NFASC: variants seen among roughly 807,000 people sequenced by gnomAD.
NFASC encodes neurofascin homolog.
In NFASC, 43 loss-of-function variants were observed where a neutral mutation model predicts 147.5. The observed-to-expected ratio is 0.29, with a 90% CI of 0.23 to 0.38. The LOEUF (loss-of-function observed/expected upper bound fraction) is 0.38, where lower values mean the gene tolerates loss of function less well. Ranked by LOEUF, NFASC falls within the 10% of genes least tolerant of loss-of-function variation. NFASC has a pLI of 1.00. For missense variants in NFASC, 1,320 were observed against 1,689.0 expected, an observed-to-expected ratio of 0.78 and a Z score of 3.83; for synonymous variants, 622 against 665.5, an observed-to-expected ratio of 0.93 and a Z score of 1.01.
intron 8 of NFASC, among the ~76,000 whole-genome samples, chr1:204,965,620 T>G (rs1042471551): frequency 6.6e-6 from 1 of 151,996 alleles, no homozygotes; most frequent in South Asian, 2.1e-4. Context: ...TGAGGAGAGG[T>G]GGGATCTTAG....
At chr1:204,911,964 G>A (rs1034443111) in intron 1 of NFASC, among the ~76,000 whole-genome samples, 7 of 152,116 alleles carry the variant, frequency 4.6e-5, no homozygotes, top group Admixed American at 2.0e-4. Flanking sequence ...GTCTGCAGGG[G>A]CTACAGTGGC....
intron 1 of NFASC, among the ~76,000 whole-genome samples, chr1:204,911,614 A>C (rs1239179779): frequency 6.6e-6 from 1 of 151,978 alleles, no homozygotes; most frequent in Admixed American, 6.6e-5. Flanking sequence ...TGCACTATCT[A>C]TGTCTGGTTT....
At chr1:204,939,541 T>C (rs1345097790) in intron 2 of NFASC, among the ~76,000 whole-genome samples, 1 of 152,198 alleles carries the variant, frequency 6.6e-6, no homozygotes, top group South Asian at 2.1e-4. Context: ...TCCTCTACTT[T>C]CCCTCCTAGG....
chr1:204,905,021 C>A (rs2085494093), intron 1 of NFASC, among the ~76,000 whole-genome samples: 1 of 152,222 alleles, frequency 6.6e-6, no homozygotes, highest in East Asian at 1.9e-4. Flanking sequence ...ACCAGTACCA[C>A]CAATCTATCC....
At position 204,970,740 on chromosome 1, in the gene NFASC, T is replaced by A; in HGVS notation, c.1128T>A (p.Pro376=). 1 of 1,614,192 alleles carries A rather than the reference T, an allele frequency of 6.2e-7. No homozygotes were observed. The highest frequency in any genetic ancestry group is 8.5e-7 in the Non-Finnish European group (1 of 1,180,024). ...PTVQWMVNGE[P]LQSAPPNPNR... is the part of the protein sequence containing the mutation. ...TCCAGTGGATGGTGAATGGGGAACC[T>A]TTGCAATGTAAGTAGCGAGCTGTTG... is the stretch of plus-strand genomic sequence containing the variant. Residue 376 remains proline (P), a synonymous_variant, in exon 11 of 30, where the codon CCT becomes CCA. Transcript: ENST00000339876.
intron 10 of NFASC, 83 bp from the exon 11 acceptor site, chr1:204,970,533 C>A: frequency 6.5e-7 from 1 of 1,529,630 alleles, no homozygotes; most frequent in Non-Finnish European, 9.0e-7. Context: ...GGGGCTCCTG[C>A]CATACTAGAG....
intron 28 of NFASC, among the ~76,000 whole-genome samples, chr1:205,011,808 G>GGT (rs1158798864): frequency 6.6e-6 from 1 of 152,216 alleles, no homozygotes; most frequent in Non-Finnish European, 1.5e-5. Flanking sequence ...GGCCGGGCGC[G>GGT]GTGGCTCACG....
intron 8 of NFASC, among the ~76,000 whole-genome samples, chr1:204,962,474 A>T (rs2094725840): frequency 6.6e-6 from 1 of 152,238 alleles, no homozygotes; most frequent in South Asian, 2.1e-4. Context: ...CTTAGGAATC[A>T]AGAATGGATG....
At chr1:204,841,517 C>T (rs564207182) in intron 1 of NFASC, among the ~76,000 whole-genome samples, 1 of 152,274 alleles carries the variant, frequency 6.6e-6, no homozygotes, top group Non-Finnish European at 1.5e-5. Flanking sequence ...TAGCCAACAC[C>T]ATACCATAAA....
At chr1:204,881,874 C>T (rs1026664966) in intron 1 of NFASC, among the ~76,000 whole-genome samples, 4 of 152,110 alleles carry the variant, frequency 2.6e-5, no homozygotes, top group Non-Finnish European at 4.4e-5. Flanking sequence ...TATCTGATCA[C>T]CCTTGATATC....
At chr1:204,942,617 G>T (rs1408501933) in intron 2 of NFASC, among the ~76,000 whole-genome samples, 1 of 151,812 alleles carries the variant, frequency 6.6e-6, no homozygotes, top group Non-Finnish European at 1.5e-5. Flanking sequence ...CAATTATTAT[G>T]TGTCAATTAA....
intron 1 of NFASC, among the ~76,000 whole-genome samples, chr1:204,848,252 A>G (rs1453333340): frequency 6.6e-6 from 1 of 152,126 alleles, no homozygotes; most frequent in African/African-American, 2.4e-5. Context: ...ATTTTTTGAA[A>G]CAGGATCTTG....
chr1:204,935,517 G>A (rs1377178638), intron 2 of NFASC, among the ~76,000 whole-genome samples: 1 of 152,196 alleles, frequency 6.6e-6, no homozygotes, highest in African/African-American at 2.4e-5. Flanking sequence ...TCAGTTCTGA[G>A]TAGAAAGTGG....
At chr1:205,012,395 T>C (rs1214289738) in intron 28 of NFASC, among the ~76,000 whole-genome samples, 1 of 152,222 alleles carries the variant, frequency 6.6e-6, no homozygotes, top group East Asian at 1.9e-4. Context: ...CCTTCTGTGA[T>C]AGGCATGAAA....
intron 24 of NFASC, among the ~76,000 whole-genome samples, chr1:204,996,207 G>A (rs2095843148): frequency 6.6e-6 from 1 of 152,174 alleles, no homozygotes; most frequent in African/African-American, 2.4e-5. Context: ...CTTTGGGTGG[G>A]AGATGGGTGT....
At position 205,016,522 on chromosome 1, in the gene NFASC, A is replaced by G. The variant is rs1167994913; in HGVS notation, c.3706A>G (p.Ile1236Val). 6.2e-7 allele frequency: 1 copy of G among 1,613,316 alleles called. No individual in the cohort carries two copies. The highest frequency in any genetic ancestry group is 2.2e-5 in the East Asian group (1 of 44,882). ...SSEATSPVNA[I>V]YSLA is the part of the protein sequence containing the mutation. ...AGAGGCCACGTCACCTGTCAATGCTATCTACTCTCTGGCCTAACGGAGCCC... is the reference window on the plus strand; with the variant it reads ...AGAGGCCACGTCACCTGTCAATGCTGTCTACTCTCTGGCCTAACGGAGCCC... The change falls in exon 30 of 30, where the codon ATC becomes GTC. Residue 1236 changes from isoleucine (I) to valine (V), a missense_variant. This residue lies in a region of NFASC where 167 missense variants were observed against 233.8 expected (regional missense o/e 0.71). Coordinates refer to ENST00000339876, the MANE Select transcript of NFASC (RefSeq NM_001005388.3). The surrounding 1 kb of genome is among the most constrained non-coding windows in gnomAD (Gnocchi z 5.1).
chr1:204,936,198 C>T (rs12738661), intron 2 of NFASC, among the ~76,000 whole-genome samples: 7,332 of 72,120 alleles, frequency 0.1, 819 homozygotes, highest in East Asian at 0.21. Context: ...CTCTCTCTTT[C>T]TTTTTCTTTT....
chr1:204,898,391 T>C (rs2083815644), intron 1 of NFASC, among the ~76,000 whole-genome samples: 1 of 152,204 alleles, frequency 6.6e-6, no homozygotes, highest in African/African-American at 2.4e-5. Context: ...TGAGCACACA[T>C]TTTTCCCTCG....
intron 1 of NFASC, among the ~76,000 whole-genome samples, chr1:204,855,550 G>C (rs973192502): frequency 6.6e-6 from 1 of 152,184 alleles, no homozygotes; most frequent in African/African-American, 2.4e-5. Flanking sequence ...TGAGCACAGG[G>C]CAAGGTGTAT....
Sources: allele counts gnomAD v4.1 joint callset (sites outside exome capture counted in the v4.1 genomes callset), GRCh38; gene constraint gnomAD v4.1.1; regional missense constraint gnomAD v4.1.1; non-coding constraint Gnocchi (gnomAD v3.1); transcripts MANE v1.5; gene names NCBI Gene and HGNC (gene_info 2026-07-23, HGNC 2026-07-21).